Variants in ERCC6L2 observed in about 807,000 individuals in gnomAD.
The protein encoded by ERCC6L2 is DNA excision repair protein ERCC-6-like 2.
ERCC6L2 carries 77 observed loss-of-function variants against 132.0 expected under a neutral mutation model. The ratio of observed to expected loss-of-function variants is 0.58; its 90% CI spans 0.49 to 0.71. The LOEUF is 0.71. Ranked by LOEUF, ERCC6L2 falls within the 30% of genes least tolerant of loss-of-function variation. The pLI, the probability that ERCC6L2 is intolerant of heterozygous loss-of-function variation, is 0.00. For missense variants in ERCC6L2, 1,542 were observed against 1,837.6 expected, an observed-to-expected ratio of 0.84 and a Z score of 2.94; for synonymous variants, 583 against 632.4, an observed-to-expected ratio of 0.92 and a Z score of 1.17.
rs116754025 is a variant in ERCC6L2 at position 95,969,446 on chromosome 9, A to G, written c.2101-1130A>G. ...TGAGAAGTGGCTGGATGCTGTATAT[A>G]TTATCCAGGTGGCACTGACAGGATT... On this transcript the variant is annotated intron_variant, in intron 14 of 18. Transcript: ENST00000653738. 4.1e-3 allele frequency among the ~76,000 whole-genome samples: 624 copies of G among 152,240 alleles called. 7 individuals carry two copies. The highest frequency in any genetic ancestry group is 0.014 in the African/African-American group (594 of 41,556).
chr9:96,030,139 C>G, intron 19 of ERCC6L2, among the ~76,000 whole-genome samples: 1 of 152,134 alleles, frequency 6.6e-6, no homozygotes, highest in East Asian at 1.9e-4. Flanking sequence ...CCAGTCATCG[C>G]TCCGTGGCTA....
downstream of ERCC6L2, chr9:96,021,233 C>G (rs1834282981): frequency 2.9e-6 from 1 of 350,110 alleles, no homozygotes; most frequent in South Asian, 2.1e-5. The surrounding 1 kb of genome is among the most constrained non-coding windows in gnomAD (Gnocchi z 4.7). Flanking sequence ...ACAACTCGAG[C>G]TGGGAGCCGC....
chr9:95,915,628 A>G, intron 4 of ERCC6L2, 40 bp from the exon 5 acceptor site: 1 of 1,559,440 alleles, frequency 6.4e-7, no homozygotes, highest in Non-Finnish European at 8.6e-7. Flanking sequence ...TAAGAAAGGA[A>G]GTTTTCTCAA....
intron 19 of ERCC6L2, among the ~76,000 whole-genome samples, chr9:96,037,496 T>C (rs1477728442): frequency 1.3e-5 from 2 of 152,228 alleles, no homozygotes; most frequent in Non-Finnish European, 2.9e-5. Context: ...ATTAACTGAT[T>C]GGTCATATCT....
chr9:96,018,517 A>G (rs1322657921), downstream of ERCC6L2, among the ~76,000 whole-genome samples: 1 of 151,854 alleles, frequency 6.6e-6, no homozygotes, highest in Admixed American at 6.6e-5. Flanking sequence ...TTGGAGTGCA[A>G]TGGCGCAATC....
intron 4 of ERCC6L2, among the ~76,000 whole-genome samples, chr9:95,910,820 T>C (rs1829307105): frequency 6.6e-6 from 1 of 152,006 alleles, no homozygotes; most frequent in South Asian, 2.1e-4. Context: ...ATCTGAGGCA[T>C]AGAGAGGTTA....
Position 95,907,210 on chromosome 9 carries a change from A to C in ERCC6L2, c.727A>C (p.Lys243Gln). The C allele has an allele frequency of 6.2e-7, 1 of 1,613,368 alleles. No individual in the cohort carries two copies. The change falls in exon 4 of 19, where the codon AAA (lysine) becomes CAA (glutamine). Residue 243 changes from lysine (K) to glutamine (Q), a missense_variant. Lys to Gln is a moderately conservative substitution (Grantham distance 53). This residue lies in a region of ERCC6L2 where 945 missense variants were observed against 1,105.2 expected (regional missense o/e 0.86). Transcript: ENST00000653738. ...DNELIRVKQR[K>Q]CEIALTTYET... The stretch of plus-strand genomic sequence containing the variant: ...TGAATTAATTCGTGTAAAGCAGAGG[A>C]AATGTGAAATTGCTCTAACAACTTA...
chr9:95,959,524 A>G (rs1831799382), intron 13 of ERCC6L2, among the ~76,000 whole-genome samples: 1 of 152,080 alleles, frequency 6.6e-6, no homozygotes, highest in Non-Finnish European at 1.5e-5. Flanking sequence ...GCCAAAATTG[A>G]CAGATGGGAT....
At chr9:95,984,152 T>C (rs544894604) in intron 17 of ERCC6L2, among the ~76,000 whole-genome samples, 1 of 150,144 alleles carries the variant, frequency 6.7e-6, no homozygotes, top group Non-Finnish European at 1.5e-5. Context: ...ATACATCATA[T>C]ATACATATAA....
At chr9:96,002,054 T>G (rs2133195322) in intron 17 of ERCC6L2, among the ~76,000 whole-genome samples, 1 of 152,354 alleles carries the variant, frequency 6.6e-6, no homozygotes, top group East Asian at 1.9e-4. Context: ...GAACTCCAGC[T>G]GGCCCACAAG....
chr9:95,988,599 T>C (rs1240179330), intron 17 of ERCC6L2, among the ~76,000 whole-genome samples: 1 of 152,220 alleles, frequency 6.6e-6, no homozygotes, highest in East Asian at 1.9e-4. Flanking sequence ...AAAAAACTTT[T>C]TTGGCAAATA....
intron 13 of ERCC6L2, among the ~76,000 whole-genome samples, chr9:95,959,420 A>C (rs1187677436): frequency 1.3e-5 from 2 of 151,896 alleles, no homozygotes; most frequent in East Asian, 1.9e-4. Context: ...CTAAAACCAT[A>C]AAAACCCTAG....
chr9:95,927,676 C>T (rs1336182228), intron 9 of ERCC6L2, among the ~76,000 whole-genome samples: 2 of 152,148 alleles, frequency 1.3e-5, no homozygotes, highest in Non-Finnish European at 2.9e-5. Context: ...TTCATTACAT[C>T]CATCTAGGGA....
At chr9:95,999,339 C>T (rs1205034488) in intron 17 of ERCC6L2, among the ~76,000 whole-genome samples, 7 of 149,828 alleles carry the variant, frequency 4.7e-5, no homozygotes, top group African/African-American at 1.2e-4. Context: ...CCAGCCTGGG[C>T]GAGAGAGTGA....
chr9:95,897,781 G>GT, intron 2 of ERCC6L2, 68 bp from the exon 3 acceptor site: 1 of 1,508,780 alleles, frequency 6.6e-7, no homozygotes, highest in Non-Finnish European at 9.1e-7. Context: ...GAATAGTCAT[G>GT]TAAGCAGTGA....
intron 19 of ERCC6L2, among the ~76,000 whole-genome samples, chr9:96,038,641 C>T (rs191988926): frequency 1.8e-3 from 281 of 152,312 alleles, no homozygotes; most frequent in Non-Finnish European, 3.6e-3. Context: ...GTGAAGGCTT[C>T]GCAAGGCAGC....
At chr9:95,956,197 C>T (rs690005) in intron 13 of ERCC6L2, among the ~76,000 whole-genome samples, 184 bp downstream of exon 13, 1,850 of 152,234 alleles carry the variant, frequency 0.012, 17 homozygotes, top group South Asian at 0.025. Flanking sequence ...AATTTTTGAG[C>T]TGAAAGTTTT....
At chr9:95,953,850 A>G (rs1008254020) in intron 12 of ERCC6L2, among the ~76,000 whole-genome samples, 3 of 152,184 alleles carry the variant, frequency 2.0e-5, no homozygotes, top group Non-Finnish European at 2.9e-5. Flanking sequence ...AGTCAAATAC[A>G]TAGAAACACT....
intron 6 of ERCC6L2, chr9:95,918,540 G>A: frequency 4.3e-6 from 2 of 467,544 alleles, no homozygotes; most frequent in South Asian, 1.7e-5. Context: ...AATGATGAAT[G>A]GAAGTCATTA....
Sources: gnomAD v4.1 joint callset for allele counts (sites outside exome capture counted in the v4.1 genomes callset) on GRCh38, gnomAD v4.1.1 for gene constraint, gnomAD v4.1.1 regional missense constraint, Gnocchi (gnomAD v3.1) non-coding constraint, MANE v1.5 for transcripts, NCBI Gene and HGNC (gene_info 2026-07-23, HGNC 2026-07-21) for gene names.